The following OXCT1 variants were observed in gnomAD, a reference collection of about 807,000 sequenced individuals.
OXCT1 encodes 3-oxoacid CoA-transferase 1.
Under a neutral mutation model 69.6 loss-of-function variants are expected in OXCT1, and 27 were observed. The ratio of observed to expected loss-of-function variants is 0.39; its 90% CI spans 0.29 to 0.54. The LOEUF (loss-of-function observed/expected upper bound fraction) is 0.54. Among genes scored for constraint, OXCT1 ranks in the 20% least tolerant of loss-of-function variants. OXCT1 has a pLI of 0.72. For missense variants in OXCT1, 437 were observed against 650.2 expected (o/e 0.67, Z 3.57); for synonymous variants, 202 against 217.8 (o/e 0.93, Z 0.64).
chr5:41,820,190 C>G (rs1747478459), intron 7 of OXCT1, among the ~76,000 whole-genome samples: 1 of 152,136 alleles, frequency 6.6e-6, no homozygotes, highest in Non-Finnish European at 1.5e-5. Flanking sequence ...TTCAATGTCT[C>G]TTGTCAAAGA....
rs1006517419 is a variant in OXCT1, at chr5:41,762,703, G to C, written c.1249-503C>G. Among the ~76,000 whole-genome samples the C allele has an allele frequency of 3.3e-5, 5 of 152,070 alleles. No homozygotes were observed. The highest frequency in any genetic ancestry group is 1.2e-4 in the African/African-American group (5 of 41,430). On this transcript the variant is annotated intron_variant, in intron 13 of 16. Transcript: ENST00000196371. This position sits in a 1 kb window ranked among gnomAD's most constrained non-coding sequence, Gnocchi z 4.0. ...CTAGTAATGGCTAATATGAAAGGTGGCTCTGTCTTTCTAACACTTGGCATT... is the reference window on the plus strand; with the variant it reads ...CTAGTAATGGCTAATATGAAAGGTGCCTCTGTCTTTCTAACACTTGGCATT...
chr5:41,740,973 C>A (rs1176463299), intron 15 of OXCT1, among the ~76,000 whole-genome samples: 1 of 142,590 alleles, frequency 7.0e-6, no homozygotes, highest in African/African-American at 2.6e-5. Flanking sequence ...TTTTTTGAGA[C>A]AGAGTCTCAC....
At chr5:41,763,771 AC>A (rs2112108159) in intron 13 of OXCT1, among the ~76,000 whole-genome samples, 1 of 152,236 alleles carries the variant, frequency 6.6e-6, no homozygotes, top group Admixed American at 6.5e-5. Context: ...TAGAGAGTTA[AC>A]AACTCTTTGA....
Position 41,749,521 on chromosome 5 carries a change from T to G in OXCT1, c.1419+6A>C. 1.9e-6 allele frequency: 3 copies of G among 1,591,322 alleles called. No homozygotes were observed. Among genetic ancestry groups the G allele is most frequent in the Non-Finnish European group, 2.6e-6 (3 of 1,160,496 alleles). ...ACATGGTAATAGTAGAAAAAGCACT[T>G]TTTACCTTTTCAGTAATAATGCGGT... On this transcript the variant is annotated splice_donor_region_variant and intron_variant, in intron 15 of 16. Transcript: ENST00000196371.
chr5:41,825,798 A>G (rs898451589), intron 7 of OXCT1, among the ~76,000 whole-genome samples: 8 of 152,202 alleles, frequency 5.3e-5, no homozygotes, highest in African/African-American at 1.9e-4. Flanking sequence ...CTCACCAGAC[A>G]CAGCTACCCA....
chr5:41,753,897 G>T (rs950311837), intron 14 of OXCT1, among the ~76,000 whole-genome samples: 4 of 152,004 alleles, frequency 2.6e-5, no homozygotes, highest in Non-Finnish European at 5.9e-5. Context: ...ATAGGTACTC[G>T]TACATTCCTA....
At chr5:41,776,739 T>C (rs895481472) in intron 13 of OXCT1, among the ~76,000 whole-genome samples, 1 of 152,218 alleles carries the variant, frequency 6.6e-6, no homozygotes, top group Admixed American at 6.5e-5. Context: ...ATAAATAAGA[T>C]AAATCTAAGA....
chr5:41,768,549 T>G (rs1744726428), intron 13 of OXCT1, among the ~76,000 whole-genome samples: 1 of 152,166 alleles, frequency 6.6e-6, no homozygotes, highest in Admixed American at 6.5e-5. Context: ...TAATGGCCAA[T>G]CATCCACCTC....
chr5:41,818,757 T>C (rs994608519), intron 7 of OXCT1, among the ~76,000 whole-genome samples: 2 of 152,108 alleles, frequency 1.3e-5, no homozygotes, highest in African/African-American at 2.4e-5. Context: ...CACTAATACA[T>C]GGAAAAACGT....
chr5:41,825,887 A>T (rs1747784305), intron 7 of OXCT1, among the ~76,000 whole-genome samples: 1 of 152,222 alleles, frequency 6.6e-6, no homozygotes, highest in Non-Finnish European at 1.5e-5. Flanking sequence ...CACAGTGGTT[A>T]TTCAGCACAA....
chr5:41,752,366 G>A (rs967128132), intron 14 of OXCT1, among the ~76,000 whole-genome samples: 19 of 152,116 alleles, frequency 1.2e-4, no homozygotes, highest in Admixed American at 2.0e-4. Flanking sequence ...ACAGGGTTAC[G>A]CGGATCTCAT....
chr5:41,772,505 T>A (rs917568108), intron 13 of OXCT1, among the ~76,000 whole-genome samples: 1 of 152,110 alleles, frequency 6.6e-6, no homozygotes, highest in Non-Finnish European at 1.5e-5. Flanking sequence ...TTAAGAGCAA[T>A]TGCAAAAGAT....
intron 3 of OXCT1, among the ~76,000 whole-genome samples, chr5:41,859,260 T>C (rs1245405986): frequency 6.6e-6 from 1 of 152,198 alleles, no homozygotes; most frequent in African/African-American, 2.4e-5. Context: ...TGCAGGCAAC[T>C]TGGATATGCC....
At chr5:41,810,129 T>C (rs1026151550) in intron 7 of OXCT1, among the ~76,000 whole-genome samples, 1 of 151,774 alleles carries the variant, frequency 6.6e-6, no homozygotes, top group Non-Finnish European at 1.5e-5. Context: ...TGCTAGCTAT[T>C]GAAGGGACTG....
At chr5:41,821,903 A>G (rs935672604) in intron 7 of OXCT1, among the ~76,000 whole-genome samples, 1 of 152,120 alleles carries the variant, frequency 6.6e-6, no homozygotes, top group Non-Finnish European at 1.5e-5. Flanking sequence ...TTCCCTGTAC[A>G]GTGTCTTCCA....
chr5:41,782,258 A>C (rs1745444567), intron 13 of OXCT1, among the ~76,000 whole-genome samples: 1 of 150,538 alleles, frequency 6.6e-6, no homozygotes, highest in Non-Finnish European at 1.5e-5. Context: ...TCTGCTGCCC[A>C]GGCTGGAGTG....
chr5:41,815,683 T>C (rs1747205208), intron 7 of OXCT1, among the ~76,000 whole-genome samples: 1 of 152,230 alleles, frequency 6.6e-6, no homozygotes, highest in Non-Finnish European at 1.5e-5. Flanking sequence ...ACATGTTCAT[T>C]CAAAGCACCA....
intron 13 of OXCT1, among the ~76,000 whole-genome samples, chr5:41,774,079 G>A (rs1050750349): frequency 3.3e-5 from 5 of 152,124 alleles, no homozygotes; most frequent in Non-Finnish European, 7.4e-5. Flanking sequence ...ACTCAAGTGT[G>A]GCAAAATACT....
At chr5:41,822,443 C>A (rs371116098) in intron 7 of OXCT1, among the ~76,000 whole-genome samples, 1 of 152,128 alleles carries the variant, frequency 6.6e-6, no homozygotes. Flanking sequence ...GCTCTGAAGT[C>A]TACTTTGTCT....
Sources: allele counts gnomAD v4.1 joint callset (sites outside exome capture counted in the v4.1 genomes callset), GRCh38; gene constraint gnomAD v4.1.1; non-coding constraint Gnocchi (gnomAD v3.1); transcripts MANE v1.5; gene names NCBI Gene and HGNC (gene_info 2026-07-23, HGNC 2026-07-21).